Variants in SLC9A6 observed in about 807,000 individuals in gnomAD.
SLC9A6 encodes sodium/hydrogen exchanger 6.
In SLC9A6, 6 loss-of-function variants were observed where a neutral mutation model predicts 45.3. The observed-to-expected ratio is 0.13, with a 90% confidence interval of 0.07 to 0.26. The LOEUF is 0.26. Ranked by LOEUF, SLC9A6 falls within the 10% of genes least tolerant of loss-of-function variation. The probability of loss-of-function intolerance (pLI) is 1.00; values close to 1 mark genes in which losing one functional copy is unlikely to be tolerated. For missense variants in SLC9A6, 278 were observed against 503.7 expected, an observed-to-expected ratio of 0.55 and a Z score of 4.29; for synonymous variants, 191 against 187.7, an observed-to-expected ratio of 1.02 and a Z score of -0.14.
At chrX:136,032,483 G>A (rs1397262259) in intron 15 of SLC9A6, among the ~76,000 whole-genome samples, 1 of 112,249 alleles carries the variant, frequency 8.9e-6, no homozygotes, top group East Asian at 2.8e-4. Context: ...AAGAAATTCG[G>A]GCCCAGAGAG....
rs1231947076 is a variant in SLC9A6, at chrX:135,994,640, T to G, written c.170-146T>G. The G allele has an allele frequency of 1.3e-5, 7 of 555,589 alleles. No individual in the cohort carries two copies. In the Admixed American group the frequency reaches 1.9e-4, roughly 15 times the overall value. 45.8% of individuals were successfully genotyped at this position (555,589 alleles called of 1,213,427 possible). A position where few individuals can be genotyped will look rare whatever the true frequency, so the allele number is the denominator to read the frequency against. ...TTGTTGTATGAATTTAGTAATATTT[T>G]AAAACATAACTGCATTTCATCTAAA... On this transcript the variant is annotated intron_variant, in intron 2 of 17. Coordinates refer to ENST00000630721, the MANE Select transcript of SLC9A6 (RefSeq NM_001379110.1).
intron 11 of SLC9A6, among the ~76,000 whole-genome samples, chrX:136,022,236 GT>G (rs2071139580): frequency 8.9e-6 from 1 of 112,062 alleles, no homozygotes; most frequent in Non-Finnish European, 1.9e-5. Flanking sequence ...TTTTAAACGT[GT>G]TTCTCTTAAT....
intron 1 of SLC9A6, among the ~76,000 whole-genome samples, chrX:135,977,233 T>C (rs1393248971): frequency 1.8e-5 from 2 of 112,258 alleles, no homozygotes; most frequent in Non-Finnish European, 3.8e-5. Context: ...GAAAGAGCCA[T>C]TTTCCATATG....
At chrX:136,039,966 C>T in intron 16 of SLC9A6, 110 bp from the exon 17 acceptor site, 1 of 599,596 alleles carries the variant, frequency 1.7e-6, no homozygotes, top group Non-Finnish European at 2.8e-6. Context: ...TGTGAAAGCC[C>T]TTTGCTGTCC....
intron 7 of SLC9A6, among the ~76,000 whole-genome samples, chrX:136,008,449 C>T (rs944103981): frequency 8.9e-6 from 1 of 111,862 alleles, no homozygotes; most frequent in African/African-American, 3.3e-5. Flanking sequence ...CCATGTTGGT[C>T]AGGCTGGTCT....
upstream of SLC9A6, among the ~76,000 whole-genome samples, chrX:135,984,142 T>C (rs1274546628): frequency 9.0e-6 from 1 of 111,209 alleles, no homozygotes; most frequent in Non-Finnish European, 1.9e-5. Context: ...CAGGGGCAGC[T>C]TGGAGTTGCC....
intron 13 of SLC9A6, among the ~76,000 whole-genome samples, chrX:136,028,495 C>A (rs985690136): frequency 8.9e-6 from 1 of 112,241 alleles, no homozygotes; most frequent in Non-Finnish European, 1.9e-5. Context: ...ATAATAAGTG[C>A]TCTATAAATG....
chrX:135,998,600 A>G (rs369308348), intron 5 of SLC9A6, 42 bp downstream of exon 5: 1 of 928,790 alleles, frequency 1.1e-6, no homozygotes, highest in East Asian at 3.1e-5. Context: ...CCTTCAAATT[A>G]TAATTTTAAA....
intron 13 of SLC9A6, among the ~76,000 whole-genome samples, chrX:136,027,417 C>T (rs181489870): frequency 3.6e-5 from 4 of 111,809 alleles, no homozygotes; most frequent in African/African-American, 1.3e-4. Flanking sequence ...AAGGGACAAA[C>T]TTGGCCTGTT....
At chrX:136,030,525 G>A (rs2071303397) in intron 15 of SLC9A6, 4 of 211,659 alleles carry the variant, frequency 1.9e-5, no homozygotes, top group Non-Finnish European at 2.6e-5. Flanking sequence ...TCTGATGTAA[G>A]CCCCACTCCA....
At chrX:135,994,693 C>T (rs184964895) in intron 2 of SLC9A6, 93 bp from the exon 3 acceptor site, 27 of 814,208 alleles carry the variant, frequency 3.3e-5, no homozygotes, top group Admixed American at 3.1e-4. Context: ...AGGGAACTAC[C>T]GTAAGAGATT....
intron 15 of SLC9A6, among the ~76,000 whole-genome samples, chrX:136,032,304 T>G (rs2071340161): frequency 8.9e-6 from 1 of 112,272 alleles, no homozygotes; most frequent in Admixed American, 9.4e-5. Flanking sequence ...ACTCCTGACC[T>G]CAAGTGATAT....
chrX:136,028,915 A>G lies in SLC9A6; in HGVS notation c.1490A>G (p.Asp497Gly), dbSNP rs887413874. ...TGTGCTAGACTCTGGGGATACAGAG[A>G]TGAATTGAGACATGGCCTTTACCCT... ...RYCARLWGYRDELRHGLYPQG... is the reference protein window; with the variant it reads ...RYCARLWGYRGELRHGLYPQG... Residue 497 changes from aspartate to glycine, a missense_variant, in exon 14 of 18, where the codon GAT (aspartate) becomes GGT (glycine). Coordinates refer to ENST00000630721, the MANE Select transcript of SLC9A6 (RefSeq NM_001379110.1). 8 of 295,376 alleles carry G rather than the reference A, an allele frequency of 2.7e-5. No individual in the cohort carries two copies. Among genetic ancestry groups the G allele is most frequent in the African/African-American group, 1.9e-4 (7 of 36,286 alleles). The allele number at this position is 295,376 out of a possible 1,213,427, so 24.3% of individuals were successfully genotyped here.
Position 136,022,589 on chromosome X carries a change from G to T in SLC9A6, c.1198G>T (p.Ala400Ser). ...NPTFVVGAFV[A>S]IFLGRAANIY... ...CTTAACCTATTAATAATTTTAGGTT[G>T]CTATTTTCTTGGGAAGAGCTGCCAA... is the stretch of plus-strand genomic sequence containing the variant. The change falls in exon 12 of 18, where the codon GCT (alanine) becomes TCT (serine). Residue 400 changes from alanine to serine, a missense_variant. Physicochemically the swap from Ala to Ser is moderately conservative, Grantham distance 99. Around this residue, in one of 5 missense-constraint regions of SLC9A6, gnomAD observed 41 missense variants for 51.8 expected, o/e 0.79. Coordinates refer to ENST00000630721, the MANE Select transcript of SLC9A6 (RefSeq NM_001379110.1). 1 of 1,148,684 alleles carries T rather than the reference G, an allele frequency of 8.7e-7. No individual in the cohort carries two copies. Among genetic ancestry groups the T allele is most frequent in the Admixed American group, 2.2e-5 (1 of 45,340 alleles). The allele number at this position is 1,148,684 out of a possible 1,213,427, so 94.7% of individuals were successfully genotyped here.
intron 11 of SLC9A6, among the ~76,000 whole-genome samples, chrX:136,018,427 C>T (rs782173938): frequency 2.8e-4 from 31 of 112,020 alleles, no homozygotes; most frequent in African/African-American, 9.7e-4. Context: ...ATAGTTGGCT[C>T]CTTCCAGGTT....
intron 11 of SLC9A6, among the ~76,000 whole-genome samples, chrX:136,018,566 G>T (rs2071065088): frequency 9.0e-6 from 1 of 111,713 alleles, no homozygotes; most frequent in Admixed American, 9.5e-5. Context: ...ATGATGATAA[G>T]AAGGGAAGTG....
chrX:136,018,169 G>A (rs1461091401), intron 11 of SLC9A6, among the ~76,000 whole-genome samples: 1 of 112,230 alleles, frequency 8.9e-6, no homozygotes, highest in African/African-American at 3.2e-5. Context: ...AATACTAAGA[G>A]GCAGGGATGG....
chrX:136,023,927 T>G (rs2071183116), intron 12 of SLC9A6, among the ~76,000 whole-genome samples: 2 of 110,475 alleles, frequency 1.8e-5, no homozygotes, highest in African/African-American at 6.6e-5. Context: ...TCTTGCTCTG[T>G]CACTCAGGTT....
chrX:135,976,812 C>T (rs1295034831), intron 1 of SLC9A6, among the ~76,000 whole-genome samples: 1 of 111,403 alleles, frequency 9.0e-6, no homozygotes, highest in Non-Finnish European at 1.9e-5. Context: ...CACCCATGTC[C>T]AGATATTGAG....
Sources: gnomAD v4.1 joint callset for allele counts (sites outside exome capture counted in the v4.1 genomes callset) on GRCh38, gnomAD v4.1.1 for gene constraint, gnomAD v4.1.1 regional missense constraint, MANE v1.5 for transcripts, NCBI Gene and HGNC (gene_info 2026-07-23, HGNC 2026-07-21) for gene names.